The following BSG variants were observed in gnomAD, a reference collection of about 807,000 sequenced individuals.
The protein encoded by BSG is basigin (Ok blood group).
A neutral mutation model predicts 43.1 loss-of-function variants in BSG; 37 were observed. That is an observed-to-expected ratio of 0.86 (90% CI 0.66 to 1.13). The LOEUF is 1.13. Ranked by LOEUF, BSG falls within the 50% of genes most tolerant of loss-of-function variation. BSG has a pLI of 0.00. For synonymous variants in BSG, 309 were observed against 238.7 expected, an observed-to-expected ratio of 1.29 and a Z score of -2.72; for missense variants, 599 against 554.2, an observed-to-expected ratio of 1.08 and a Z score of -0.81.
upstream of BSG, chr19:572,458 A>T (rs901823562): frequency 6.9e-6 from 8 of 1,158,354 alleles, no homozygotes; most frequent in African/African-American, 1.6e-5. Flanking sequence ...CGGCGCGTAC[A>T]TGCGAGCGTG....
chr19:579,417 G>A (rs1313434408), intron 2 of BSG, 83 bp from the exon 3 acceptor site: 1 of 1,570,810 alleles, frequency 6.4e-7, no homozygotes, highest in Non-Finnish European at 8.7e-7. Flanking sequence ...TCCCGGGGAG[G>A]AGCCGCAGGT....
chr19:581,219 G>A, intron 5 of BSG, 96 bp from the exon 6 acceptor site: 1 of 1,277,738 alleles, frequency 7.8e-7, no homozygotes, highest in African/African-American at 2.1e-5. Flanking sequence ...GACTGGGTGA[G>A]GGGCCTAGAC....
Position 580,449 on chromosome 19 carries a change from A to G in BSG, c.643A>G (p.Ile215Val), listed in dbSNP as rs1217398212. Reference sequence around the variant, plus strand: ...CCCCGAGCCCATGGGCACGGCCAACATCCAGCTCCACGGTGAGTCCTGCAG... The same window carrying G: ...CCCCGAGCCCATGGGCACGGCCAACGTCCAGCTCCACGGTGAGTCCTGCAG... ...FLPEPMGTAN[I>V]QLHGPPRVKA... The change falls in exon 4 of 9, where the codon ATC (isoleucine) becomes GTC (valine). Residue 215 changes from isoleucine to valine, a missense_variant. Physicochemically the swap from Ile to Val is conservative, Grantham distance 29. Coordinates refer to ENST00000333511, the MANE Select transcript of BSG (RefSeq NM_001728.4). 3 of 1,610,680 alleles carry G rather than the reference A, an allele frequency of 1.9e-6. No individual in the cohort carries two copies. The highest frequency in any genetic ancestry group is 2.5e-6 in the Non-Finnish European group (3 of 1,179,868).
upstream of BSG, chr19:571,362 G>A (rs1020551094): frequency 3.3e-6 from 2 of 602,820 alleles, no homozygotes; most frequent in African/African-American, 3.7e-5. Flanking sequence ...TTGCGACTCC[G>A]AGTTTAACTT....
intron 1 of BSG, 64 bp downstream of exon 1, chr19:572,765 C>T (rs953694610): frequency 6.4e-5 from 85 of 1,335,536 alleles, no homozygotes; most frequent in Non-Finnish European, 7.9e-5. Context: ...GCCGCGGTGC[C>T]GACCCGAAGC....
At position 572,716 on chromosome 19, in the gene BSG, G is replaced by A. The variant is rs1014600831; in HGVS notation, c.67+15G>A. 1.2e-5 allele frequency: 18 copies of A among 1,465,646 alleles called. No homozygotes were observed. Among genetic ancestry groups the A allele is most frequent in the Non-Finnish European group, 1.6e-5 (18 of 1,101,202 alleles). The allele number at this position is 1,465,646 out of a possible 1,614,324, so 90.8% of individuals were successfully genotyped here. ...CTCCGGGGCTGGTGAGGAGCGGGTA[G>A]GGGGCGGGGGTGCGGTCCTGCAGGG... On this transcript the variant is annotated intron_variant, in intron 1 of 8. Coordinates refer to ENST00000333511, the MANE Select transcript of BSG (RefSeq NM_001728.4).
intron 1 of BSG, among the ~76,000 whole-genome samples, chr19:573,040 T>C (rs1421091999): frequency 7.7e-6 from 1 of 129,688 alleles, no homozygotes; most frequent in Non-Finnish European, 1.6e-5. Context: ...GGTGGGCGTC[T>C]TGCTTTTCGG....
chr19:580,045 T>G lies in BSG; in HGVS notation c.573-334T>G. 3 of 411,650 alleles carry G rather than the reference T, an allele frequency of 7.3e-6. No homozygotes were observed. The South Asian group carries it at 9.6e-5, about 13-fold the overall frequency. The allele number at this position is 411,650 out of a possible 1,614,324, so 25.5% of individuals were successfully genotyped here. On this transcript the variant is annotated intron_variant, in intron 3 of 8. Coordinates refer to ENST00000333511, the MANE Select transcript of BSG (RefSeq NM_001728.4). Reference sequence around the variant, plus strand: ...GTCATGGCCGGAGCTTTGTCATAACTGGGGCTGGGACGGCCCTGGGAGCAC... The same window carrying G: ...GTCATGGCCGGAGCTTTGTCATAACGGGGGCTGGGACGGCCCTGGGAGCAC...
At chr19:571,729 A>T, upstream of BSG, 1 of 686,748 alleles carries the variant, frequency 1.5e-6, no homozygotes, top group South Asian at 1.6e-5. Context: ...CGTGGGATGC[A>T]ATCTCCAGAG....
At chr19:573,334 C>T (rs919103912) in intron 1 of BSG, among the ~76,000 whole-genome samples, 1 of 152,136 alleles carries the variant, frequency 6.6e-6, no homozygotes, top group Non-Finnish European at 1.5e-5. Flanking sequence ...TCCCCTGAGA[C>T]TCTCTGGGGC....
rs554365832 is a variant in BSG, at chr19:578,100, G to A, written c.394G>A (p.Ala132Thr). 1.8e-4 allele frequency: 286 copies of A among 1,589,294 alleles called. 2 individuals are homozygous for A. In the South Asian group the frequency reaches 3.1e-3, roughly 17 times the overall value. ...CAGGGTCAAGTGGGTCCGCGCCCAG[G>A]CAGTCGTGCTAGTCCTGGAACGTGA... Reference protein sequence around the residue: ...APRVKWVRAQAVVLVLEPGTV... With the variant: ...APRVKWVRAQTVVLVLEPGTV... The change falls in exon 2 of 9, where the codon GCA becomes ACA. Residue 132 changes from alanine (A) to threonine (T), a missense_variant. Coordinates refer to ENST00000333511, the MANE Select transcript of BSG (RefSeq NM_001728.4).
chr19:577,701 G>A (rs1350492625), intron 1 of BSG, 73 bp from the exon 2 acceptor site: 5 of 1,250,078 alleles, frequency 4.0e-6, no homozygotes, highest in Non-Finnish European at 5.1e-6. Context: ...TCCTGTGGGC[G>A]AGGCCTTCCC....
rs1339719263 is a variant in BSG at position 572,649 on chromosome 19, G to GTTCGTGCTGCTGGGA, written c.20_34dup (p.Val7_Phe11dup). 1 of 1,505,856 alleles carries GTTCGTGCTGCTGGGA rather than the reference G, an allele frequency of 6.6e-7. No homozygotes were observed. The allele number at this position is 1,505,856 out of a possible 1,614,324, so 93.3% of individuals were successfully genotyped here. On this transcript the variant is annotated inframe_insertion, in exon 1 of 9. Transcript: ENST00000333511. ...GAATAGGAATCATGGCGGCTGCGCT[G>GTTCGTGCTGCTGGGA]TTCGTGCTGCTGGGATTCGCGCTGC...
In BSG at chr19:580,662, G is replaced by T. The variant is rs1017823967; in HGVS notation, c.672G>T (p.Lys224Asn). ...NIQLHGPPRV[K>N]AVKSSEHINE... is the part of the protein sequence containing the mutation. ...TCCTGTCAGGGCCTCCCAGAGTGAA[G>T]GCTGTGAAGTCGTCAGAACACATCA... is the stretch of plus-strand genomic sequence containing the variant. Residue 224 changes from lysine to asparagine, a missense_variant, in exon 5 of 9, where the codon AAG becomes AAT. Lys to Asn is a moderately conservative substitution (Grantham distance 94). Transcript: ENST00000333511. The T allele has an allele frequency of 6.2e-6, 10 of 1,612,752 alleles. No homozygotes were observed. The highest frequency in any genetic ancestry group is 1.3e-5 in the African/African-American group (1 of 74,942).
In BSG at chr19:581,327, G is replaced by A. The variant is rs1333894446; in HGVS notation, c.805G>A (p.Gly269Ser). The A allele has an allele frequency of 2.4e-5, 38 of 1,612,128 alleles. No homozygotes were observed. In the East Asian group the frequency reaches 3.3e-4, roughly 14 times the overall value. Residue 269 changes from glycine to serine, a missense_variant, in exon 6 of 9, where the codon GGC becomes AGC. Gly to Ser is a moderately conservative substitution (Grantham distance 56). Coordinates refer to ENST00000333511, the MANE Select transcript of BSG (RefSeq NM_001728.4). ...TDSEDKALMNGSESRFFVSSS... is the reference protein window; with the variant it reads ...TDSEDKALMNSSESRFFVSSS... ...TTTGGTCCCCTAGGCCCTCATGAAC[G>A]GCTCCGAGAGCAGGTTCTTCGTGAG...
intron 1 of BSG, among the ~76,000 whole-genome samples, chr19:573,538 G>C (rs1981482764): frequency 6.6e-6 from 1 of 152,320 alleles, no homozygotes; most frequent in South Asian, 2.1e-4. Context: ...TGTTCTCCCA[G>C]ACTCTTAAGA....
chr19:582,383 G>A, intron 7 of BSG, 53 bp downstream of exon 7: 2 of 1,596,794 alleles, frequency 1.3e-6, no homozygotes, highest in Non-Finnish European at 1.7e-6. Context: ...TGCTGCCCCA[G>A]GCCTTTAAAA....
rs1981945975 is a variant in BSG at position 578,125 on chromosome 19, A to G, written c.415+4A>G. The G allele has an allele frequency of 6.5e-7, 1 of 1,545,388 alleles. No individual in the cohort carries two copies. Among genetic ancestry groups the G allele is most frequent in the Non-Finnish European group, 8.8e-7 (1 of 1,141,374 alleles). On this transcript the variant is annotated splice_donor_region_variant and intron_variant, in intron 2 of 8. Transcript: ENST00000333511. ...GCAGTCGTGCTAGTCCTGGAACGTG[A>G]GTGGCGGGCACCTCCCTCCCCGCCT...
At chr19:581,677 T>C in intron 6 of BSG, 86 bp downstream of exon 6, 3 of 1,448,342 alleles carry the variant, frequency 2.1e-6, no homozygotes, top group Non-Finnish European at 2.7e-6. Flanking sequence ...GCCCCACCGC[T>C]GACCCAGAGC....
Sources: gnomAD v4.1 joint callset for allele counts (sites outside exome capture counted in the v4.1 genomes callset) on GRCh38, gnomAD v4.1.1 for gene constraint, MANE v1.5 for transcripts, NCBI Gene and HGNC (gene_info 2026-07-23, HGNC 2026-07-21) for gene names.